Variants in PUM1 observed in about 807,000 individuals in gnomAD.
PUM1 encodes pumilio RNA binding family member 1.
A neutral mutation model predicts 131.8 loss-of-function variants in PUM1; 13 were observed. That is an observed-to-expected ratio of 0.10 (90% CI 0.06 to 0.16). PUM1 has a LOEUF of 0.16. Among genes scored for constraint, PUM1 ranks in the 10% least tolerant of loss-of-function variants. PUM1 has a pLI of 1.00. For missense variants in PUM1, 961 were observed against 1,512.4 expected, an observed-to-expected ratio of 0.64 and a Z score of 6.05; for synonymous variants, 509 against 556.5, an observed-to-expected ratio of 0.91 and a Z score of 1.20.
intron 14 of PUM1, among the ~76,000 whole-genome samples, chr1:30,962,730 A>C (rs868029234): frequency 2.6e-5 from 4 of 152,200 alleles, no homozygotes; most frequent in Non-Finnish European, 5.9e-5. Context: ...TTTATAAATA[A>C]GGTTTTATTA....
chr1:30,945,629 A>G, intron 17 of PUM1, 146 bp from the exon 18 acceptor site: 1 of 839,216 alleles, frequency 1.2e-6, no homozygotes, highest in Non-Finnish European at 1.8e-6. Flanking sequence ...CAATGACAAC[A>G]GGGAAACAAA....
chr1:30,984,092 C>A (rs1020847168), intron 7 of PUM1, among the ~76,000 whole-genome samples: 1 of 152,154 alleles, frequency 6.6e-6, no homozygotes, highest in Non-Finnish European at 1.5e-5. Flanking sequence ...TAAAAGCAAA[C>A]AAGCCTTACA....
At chr1:30,983,167 T>A (rs74063606) in intron 7 of PUM1, among the ~76,000 whole-genome samples, 1 of 152,232 alleles carries the variant, frequency 6.6e-6, no homozygotes, top group African/African-American at 2.4e-5. Flanking sequence ...ACTAAAGATG[T>A]GTCTCACACA....
In PUM1 at chr1:30,932,463, C is replaced by A. The variant is rs1639000059; in HGVS notation, c.*748G>T. 1 of 151,544 alleles carries A rather than the reference C, an allele frequency of 6.6e-6. No individual in the cohort carries two copies. Among genetic ancestry groups the A allele is most frequent in the Non-Finnish European group, 1.5e-5 (1 of 67,890 alleles). 9.4% of individuals were successfully genotyped at this position (151,544 alleles called of 1,614,324 possible). On this transcript the variant is annotated 3_prime_UTR_variant, in exon 22 of 22. Transcript: ENST00000426105. ...CTTTCAATGTTAATAGAAAAAAATC[C>A]AGTAGGCAGTAAACAATCACACCCG...
intron 14 of PUM1, among the ~76,000 whole-genome samples, chr1:30,959,099 A>G (rs1640297340): frequency 6.6e-6 from 1 of 152,244 alleles, no homozygotes; most frequent in South Asian, 2.1e-4. Context: ...CTGAACCTAT[A>G]AGACCTATAA....
chr1:30,953,024 G>A (rs1044437358), intron 15 of PUM1, among the ~76,000 whole-genome samples: 1 of 151,870 alleles, frequency 6.6e-6, no homozygotes, highest in South Asian at 2.1e-4. Context: ...AAACAAAACA[G>A]TATTCATTAT....
At chr1:30,955,301 A>C (rs1317536936) in intron 14 of PUM1, among the ~76,000 whole-genome samples, 125 of 42,652 alleles carry the variant, frequency 2.9e-3, no homozygotes, top group African/African-American at 9.2e-3. Flanking sequence ...TAAAAAATAC[A>C]AAAAAAAAAA....
At chr1:30,987,261 A>G (rs576115875) in intron 7 of PUM1, among the ~76,000 whole-genome samples, 2 of 148,328 alleles carry the variant, frequency 1.3e-5, no homozygotes, top group African/African-American at 2.5e-5. Context: ...CAGTGGCGTG[A>G]TCTCAGCTCA....
intron 11 of PUM1, chr1:30,968,107 G>GA (rs1260453584): frequency 2.0e-5 from 13 of 658,678 alleles, no homozygotes; most frequent in Non-Finnish European, 2.6e-5. Flanking sequence ...ATCCACCAAG[G>GA]AAAAACCACA....
chr1:30,953,285 G>A (rs1367901903), intron 15 of PUM1, among the ~76,000 whole-genome samples: 1 of 152,190 alleles, frequency 6.6e-6, no homozygotes, highest in African/African-American at 2.4e-5. Context: ...CTATCCCCAG[G>A]ACCAGATTCG....
At chr1:30,997,581 C>T (rs1338049302) in intron 5 of PUM1, among the ~76,000 whole-genome samples, 1 of 148,344 alleles carries the variant, frequency 6.7e-6, no homozygotes, top group Non-Finnish European at 1.5e-5. Context: ...CAGCTGGTTG[C>T]AGGGGATGTG....
At chr1:30,939,843 C>T (rs1639369707) in intron 20 of PUM1, among the ~76,000 whole-genome samples, 1 of 152,062 alleles carries the variant, frequency 6.6e-6, no homozygotes, top group Non-Finnish European at 1.5e-5. Flanking sequence ...GGGCAACAGA[C>T]TCTGTCCCTT....
intron 7 of PUM1, among the ~76,000 whole-genome samples, chr1:30,989,571 CAAAAAAA>C (rs1174565063): frequency 6.5e-4 from 18 of 27,696 alleles, no homozygotes; most frequent in African/African-American, 2.0e-3. Context: ...GACTCCGTCT[CAAAAAAA>C]AAAAAAAAAA....
intron 5 of PUM1, among the ~76,000 whole-genome samples, chr1:30,996,635 C>T (rs1389068395): frequency 2.6e-5 from 4 of 152,160 alleles, no homozygotes; most frequent in Non-Finnish European, 5.9e-5. Flanking sequence ...AAACAGTAAA[C>T]CACAGCTTTG....
rs914706879 is a variant in PUM1 at position 30,962,346 on chromosome 1, T to A, written c.2323+2328A>T. 3.3e-5 allele frequency among the ~76,000 whole-genome samples: 5 copies of A among 152,144 alleles called. No individual in the cohort carries two copies. The East Asian group carries it at 9.6e-4, about 29-fold the overall frequency. ...TGATGCTTTAGAAAGAGGAAAGGTA[T>A]CATGCATGAAAGTAGTATTTCTGGC... On this transcript the variant is annotated intron_variant, in intron 14 of 21. Coordinates refer to ENST00000426105, the MANE Select transcript of PUM1 (RefSeq NM_001020658.2).
intron 7 of PUM1, among the ~76,000 whole-genome samples, chr1:30,988,088 A>C (rs1641636679): frequency 1.3e-5 from 2 of 152,196 alleles, no homozygotes; most frequent in Non-Finnish European, 2.9e-5. Flanking sequence ...ATACATTTTA[A>C]ACATTATTCT....
At chr1:30,997,052 G>A (rs1476431809) in intron 5 of PUM1, among the ~76,000 whole-genome samples, 1 of 152,164 alleles carries the variant, frequency 6.6e-6, no homozygotes, top group African/African-American at 2.4e-5. Context: ...TGACAACTCT[G>A]CCTGAATCAG....
intron 5 of PUM1, among the ~76,000 whole-genome samples, chr1:30,996,143 T>G (rs1641972275): frequency 6.6e-6 from 1 of 152,210 alleles, no homozygotes; most frequent in Non-Finnish European, 1.5e-5. Context: ...TTGCAGAACC[T>G]TACACCAAAG....
At chr1:31,061,260 A>C (rs940015250) in intron 1 of PUM1, among the ~76,000 whole-genome samples, 1 of 152,148 alleles carries the variant, frequency 6.6e-6, no homozygotes, top group African/African-American at 2.4e-5. Context: ...GGAGCTGAAG[A>C]CCAGCCTAGG....
Sources: gnomAD v4.1 joint callset for allele counts (sites outside exome capture counted in the v4.1 genomes callset) on GRCh38, gnomAD v4.1.1 for gene constraint, MANE v1.5 for transcripts, NCBI Gene and HGNC (gene_info 2026-07-23, HGNC 2026-07-21) for gene names.